PRMT9: variants seen among roughly 807,000 people sequenced by gnomAD.
PRMT9 encodes protein arginine methyltransferase 9.
PRMT9 carries 59 observed loss-of-function variants against 83.2 expected under a neutral mutation model. That is an observed-to-expected ratio of 0.71 (90% CI 0.57 to 0.88). PRMT9 has a LOEUF of 0.88. Ranked by LOEUF, PRMT9 falls within the 40% of genes least tolerant of loss-of-function variation. The probability of loss-of-function intolerance (pLI) is 0.00; values close to 1 mark genes in which losing one functional copy is unlikely to be tolerated. For missense variants in PRMT9, 947 were observed against 1,021.9 expected, an observed-to-expected ratio of 0.93 and a Z score of 1.00; for synonymous variants, 333 against 353.2, an observed-to-expected ratio of 0.94 and a Z score of 0.64.
intron 7 of PRMT9, among the ~76,000 whole-genome samples, chr4:147,659,878 G>A (rs1419816994): frequency 6.6e-6 from 1 of 152,032 alleles, no homozygotes; most frequent in Non-Finnish European, 1.5e-5. Context: ...ACCTCGCCTG[G>A]CTGGGCACTT....
chr4:147,667,131 G>A (rs2126621385), intron 6 of PRMT9, among the ~76,000 whole-genome samples: 1 of 152,262 alleles, frequency 6.6e-6, no homozygotes, highest in Middle Eastern at 3.4e-3. Context: ...TAGCTTTTCT[G>A]GTGGGCAATG....
At chr4:147,673,957 G>A in intron 2 of PRMT9, 83 bp from the exon 3 acceptor site, 1 of 1,150,958 alleles carries the variant, frequency 8.7e-7, no homozygotes, top group Non-Finnish European at 1.3e-6. Flanking sequence ...CACTCACTTG[G>A]CCTGGGAATT....
intron 6 of PRMT9, 58 bp downstream of exon 6, chr4:147,668,481 A>G: frequency 1.9e-6 from 2 of 1,034,036 alleles, no homozygotes; most frequent in Non-Finnish European, 3.0e-6. Flanking sequence ...TTCCTTTATA[A>G]ATTACCCAAT....
chr4:147,660,883 C>T lies in PRMT9; in HGVS notation c.1109G>A (p.Cys370Tyr), dbSNP rs532214104. ...GAAATCTACTGTCATAATTTCAAAGCACTCTGTCAAAGCCAAATATCCTCC... is the reference window on the plus strand; with the variant it reads ...GAAATCTACTGTCATAATTTCAAAGTACTCTGTCAAAGCCAAATATCCTCC... ...VPGGYLALTE[C>Y]FEIMTVDFNN... Residue 370 changes from cysteine to tyrosine, a missense_variant, in exon 7 of 12, where the codon TGC becomes TAC. Transcript: ENST00000322396. The T allele has an allele frequency of 6.2e-7, 1 of 1,613,802 alleles. No homozygotes were observed. The highest frequency in any genetic ancestry group is 1.7e-5 in the Admixed American group (1 of 59,996).
At chr4:147,643,755 G>A (rs1733561252) in intron 9 of PRMT9, among the ~76,000 whole-genome samples, 1 of 152,200 alleles carries the variant, frequency 6.6e-6, no homozygotes, top group South Asian at 2.1e-4. Context: ...AATACTTTGG[G>A]AGGCCAAGGT....
In PRMT9 at chr4:147,638,188, T is replaced by A. The variant is rs991261475; in HGVS notation, c.*344A>T. On this transcript the variant is annotated 3_prime_UTR_variant, in exon 12 of 12. Transcript: ENST00000322396. ...GTGTTTCCCAATTACAAGTTTGGAT[T>A]TAAGAAAAAAGGCCAAGATGCCTAC... 1.2e-4 allele frequency: 33 copies of A among 276,152 alleles called. No homozygotes were observed. Among genetic ancestry groups the A allele is most frequent in the African/African-American group, 7.0e-4 (31 of 44,104 alleles). The allele number at this position is 276,152 out of a possible 1,614,324, so 17.1% of individuals were successfully genotyped here.
At chr4:147,669,245 T>A (rs371427599) in intron 5 of PRMT9, among the ~76,000 whole-genome samples, 1 of 150,788 alleles carries the variant, frequency 6.6e-6, no homozygotes, top group Non-Finnish European at 1.5e-5. Context: ...ATGTTTTTTT[T>A]AATTAGCCAA....
rs141985308 is a variant in PRMT9, at chr4:147,655,543, T to C, written c.1331-977A>G. Among the ~76,000 whole-genome samples the C allele has an allele frequency of 1.3e-3, 193 of 152,178 alleles. 1 individual carries two copies. Among genetic ancestry groups the C allele is most frequent in the African/African-American group, 4.5e-3 (187 of 41,520 alleles). On this transcript the variant is annotated intron_variant, in intron 8 of 11. Transcript: ENST00000322396. ...CCCTGGAACCAGTTGAAAATACAAATTGTTATACTTTTTTGGGTTTTTTGG... is the reference window on the plus strand; with the variant it reads ...CCCTGGAACCAGTTGAAAATACAAACTGTTATACTTTTTTGGGTTTTTTGG...
intron 2 of PRMT9, 146 bp from the exon 3 acceptor site, chr4:147,674,020 C>A (rs1735908340): frequency 2.9e-6 from 2 of 698,508 alleles, no homozygotes; most frequent in Non-Finnish European, 2.5e-6. Context: ...TTTTGGGAAG[C>A]TGTCTGTGAG....
rs1735543550 is a variant in PRMT9 at position 147,668,871 on chromosome 4, G to A, written c.847-226C>T. Among the ~76,000 whole-genome samples the A allele has an allele frequency of 2.6e-5, 4 of 152,148 alleles. No individual in the cohort carries two copies. The South Asian group carries it at 6.2e-4, about 24-fold the overall frequency. ...GGAGGCCAAGGCAGGCGGATCACGA[G>A]GTCAGGAGATCAAGACCATCCTGGC... On this transcript the variant is annotated intron_variant, in intron 5 of 11. Transcript: ENST00000322396.
chr4:147,646,706 A>T (rs1328815384), intron 9 of PRMT9, among the ~76,000 whole-genome samples: 1 of 152,090 alleles, frequency 6.6e-6, no homozygotes, highest in African/African-American at 2.4e-5. Context: ...ACCCCAAAAA[A>T]ATTCTCAGAC....
At chr4:147,678,909 T>C (rs1385652334) in intron 2 of PRMT9, among the ~76,000 whole-genome samples, 1 of 152,224 alleles carries the variant, frequency 6.6e-6, no homozygotes, top group African/African-American at 2.4e-5. Flanking sequence ...TTGCAAATTT[T>C]GCTTTGTATC....
At chr4:147,639,222 T>C (rs1733219858) in intron 10 of PRMT9, 140 bp from the exon 11 acceptor site, 5 of 711,500 alleles carry the variant, frequency 7.0e-6, no homozygotes, top group East Asian at 2.8e-5. Context: ...GCTTTTTACA[T>C]TACCTCCTTT....
intron 7 of PRMT9, among the ~76,000 whole-genome samples, 190 bp from the exon 8 acceptor site, chr4:147,658,165 A>G (rs1463397779): frequency 6.6e-6 from 1 of 151,926 alleles, no homozygotes; most frequent in Non-Finnish European, 1.5e-5. Flanking sequence ...TTGGAATACC[A>G]TGCAGCTATT....
intron 10 of PRMT9, among the ~76,000 whole-genome samples, chr4:147,640,061 C>T (rs372968085): frequency 8.0e-4 from 28 of 35,082 alleles, no homozygotes; most frequent in Non-Finnish European, 1.2e-3. Flanking sequence ...CCACTCCTGT[C>T]TTTTTTTTTT....
chr4:147,681,802 G>A (rs1044446968), intron 1 of PRMT9, among the ~76,000 whole-genome samples: 8 of 149,034 alleles, frequency 5.4e-5, no homozygotes, highest in Admixed American at 2.0e-4. Context: ...AAAAAACCCC[G>A]CACAGATTAT....
chr4:147,642,489 C>T (rs1392287054), intron 10 of PRMT9, among the ~76,000 whole-genome samples: 3 of 149,264 alleles, frequency 2.0e-5, no homozygotes, highest in Non-Finnish European at 4.4e-5. Context: ...GATCCACCCG[C>T]CTGGGCCTCC....
intron 10 of PRMT9, 119 bp downstream of exon 10, chr4:147,642,666 CTG>C: frequency 1.1e-6 from 1 of 876,044 alleles, no homozygotes; most frequent in Non-Finnish European, 1.9e-6. Flanking sequence ...ATCTAAGTCA[CTG>C]TGATTAATCC....
intron 4 of PRMT9, among the ~76,000 whole-genome samples, chr4:147,671,533 C>T (rs1043786498): frequency 6.6e-6 from 1 of 152,218 alleles, no homozygotes; most frequent in Non-Finnish European, 1.5e-5. Context: ...TCTTTATCTT[C>T]CTATCTAGAC....
Sources: gnomAD v4.1 joint callset for allele counts (sites outside exome capture counted in the v4.1 genomes callset) on GRCh38, gnomAD v4.1.1 for gene constraint, MANE v1.5 for transcripts, NCBI Gene and HGNC (gene_info 2026-07-23, HGNC 2026-07-21) for gene names.